The following APOH variants were observed in gnomAD, a reference collection of about 807,000 sequenced individuals.
The protein encoded by APOH is apolipoprotein H.
A neutral mutation model predicts 39.8 loss-of-function variants in APOH; 48 were observed. The observed-to-expected ratio is 1.21, with a 90% CI of 0.96 to 1.54. The LOEUF is 1.54. APOH is among the 40% of genes most tolerant of loss of function. APOH has a pLI of 0.00. For synonymous variants in APOH, 153 were observed against 151.1 expected (o/e 1.01, Z -0.09); for missense variants, 415 against 421.2 (o/e 0.99, Z 0.13).
At chr17:66,228,226 C>T in intron 1 of APOH, 30 bp from the exon 2 acceptor site, 2 of 1,593,836 alleles carry the variant, frequency 1.3e-6, no homozygotes, top group South Asian at 1.1e-5. Flanking sequence ...AGATGGTTAA[C>T]AAATCTCTAT....
chr17:66,214,560 T>C lies in APOH; in HGVS notation c.875A>G (p.His292Arg), dbSNP rs1165511150. 6.2e-7 allele frequency: 1 copy of C among 1,614,078 alleles called. No homozygotes were observed. The highest frequency in any genetic ancestry group is 8.5e-7 in the Non-Finnish European group (1 of 1,179,956). Residue 292 changes from histidine (H) to arginine (R), a missense_variant, in exon 7 of 8, where the codon CAT (histidine) becomes CGT (arginine). His to Arg is a conservative substitution (Grantham distance 29). Coordinates refer to ENST00000205948, the MANE Select transcript of APOH (RefSeq NM_000042.3). ...IQEKFKNGML[H>R]GDKVSFFCKN... ...GCAGAAGAAAGAAACTTTATCACCATGTAGCATTCCATTCTTAAATTTTTC... is the reference window on the plus strand; with the variant it reads ...GCAGAAGAAAGAAACTTTATCACCACGTAGCATTCCATTCTTAAATTTTTC...
rs949254724 is a variant in APOH, at chr17:66,216,917, G to T, written c.655C>A (p.Pro219Thr). The T allele has an allele frequency of 6.2e-7, 1 of 1,611,632 alleles. No homozygotes were observed. The highest frequency in any genetic ancestry group is 8.5e-7 in the Non-Finnish European group (1 of 1,179,118). ...TTGTAATAAAGTGTTGGTTTTGCAG[G>T]ATAGTTCACAAATCCATTGTCTGGT... ...SRPDNGFVNY[P>T]AKPTLYYKDK... The change falls in exon 6 of 8, where the codon CCT (proline) becomes ACT (threonine). Residue 219 changes from proline to threonine, a missense_variant. Physicochemically the swap from Pro to Thr is conservative, Grantham distance 38. Around this residue, in one of 3 missense-constraint regions of APOH, gnomAD observed 288 missense variants for 284.9 expected, o/e 1.01. Transcript: ENST00000205948.
intron 1 of APOH, 31 bp from the exon 2 acceptor site, chr17:66,228,227 A>C: frequency 6.3e-7 from 1 of 1,594,148 alleles, no homozygotes; most frequent in Non-Finnish European, 8.6e-7. Flanking sequence ...GATGGTTAAC[A>C]AATCTCTATT....
chr17:66,228,268 T>A, intron 1 of APOH, 72 bp from the exon 2 acceptor site: 1 of 1,507,244 alleles, frequency 6.6e-7, no homozygotes, highest in Admixed American at 1.9e-5. Flanking sequence ...AGCCCACAAA[T>A]GAAAAATGTG....
chr17:66,224,869 C>A lies in APOH; in HGVS notation c.339-1095G>T, dbSNP rs576629311. Among the ~76,000 whole-genome samples, 3 of 152,010 alleles carry A rather than the reference C, an allele frequency of 2.0e-5. No individual in the cohort carries two copies. In the South Asian group the frequency reaches 6.2e-4, roughly 32 times the overall value. On this transcript the variant is annotated intron_variant, in intron 3 of 7. Coordinates refer to ENST00000205948, the MANE Select transcript of APOH (RefSeq NM_000042.3). ...GGATCACAAGGTCAGGAGTCCAAGA[C>A]CAGCCTGGCCAAGATGGTGAAACCC...
chr17:66,227,540 TA>T (rs1483511549), intron 2 of APOH, among the ~76,000 whole-genome samples: 1 of 152,228 alleles, frequency 6.6e-6, no homozygotes, highest in East Asian at 1.9e-4. Flanking sequence ...ATTATTATTT[TA>T]ATTTGACCTC....
At chr17:66,220,823 C>T (rs991666024) in intron 4 of APOH, 81 bp from the exon 5 acceptor site, 48 of 1,348,714 alleles carry the variant, frequency 3.6e-5, no homozygotes, top group Admixed American at 1.3e-4. Flanking sequence ...AAAAAAAAAC[C>T]CTAAGGATAA....
chr17:66,226,646 T>C (rs2073441556), intron 2 of APOH, among the ~76,000 whole-genome samples: 1 of 149,526 alleles, frequency 6.7e-6, no homozygotes, highest in Non-Finnish European at 1.5e-5. Context: ...AATTGGATAG[T>C]CTAAGGGTTC....
intron 2 of APOH, among the ~76,000 whole-genome samples, chr17:66,227,181 G>A (rs1285501580): frequency 4.6e-5 from 7 of 152,088 alleles, no homozygotes; most frequent in Non-Finnish European, 1.0e-4. Context: ...ACCGCACCTG[G>A]CCCTGATTTA....
At chr17:66,225,973 A>G (rs1289085891) in intron 3 of APOH, 55 bp downstream of exon 3, 17 of 1,257,972 alleles carry the variant, frequency 1.4e-5, no homozygotes, top group Non-Finnish European at 1.7e-5. Flanking sequence ...GTTTAGCTTA[A>G]GGATACAAAA....
intron 7 of APOH, 98 bp from the exon 8 acceptor site, chr17:66,212,286 A>ATACTT: frequency 1.1e-6 from 1 of 930,582 alleles, no homozygotes; most frequent in Non-Finnish European, 1.7e-6. Context: ...ACGAGTATAT[A>ATACTT]GAATACATGT....
chr17:66,226,944 A>G (rs968490767), intron 2 of APOH, among the ~76,000 whole-genome samples: 1 of 151,446 alleles, frequency 6.6e-6, no homozygotes, highest in Admixed American at 6.6e-5. Context: ...GCTGGAGTGC[A>G]GTGGCACAAT....
intron 5 of APOH, among the ~76,000 whole-genome samples, chr17:66,219,231 T>G (rs1258193015): frequency 6.6e-6 from 1 of 152,146 alleles, no homozygotes; most frequent in Admixed American, 6.5e-5. Flanking sequence ...CCAAAACATA[T>G]GAAGTGATGA....
chr17:66,221,398 A>AGGAC (rs2073401093), intron 4 of APOH, among the ~76,000 whole-genome samples: 2 of 74,892 alleles, frequency 2.7e-5, no homozygotes, highest in African/African-American at 8.1e-5. Context: ...GAAGGAAGGA[A>AGGAC]GGAAGGAAGG....
At chr17:66,224,470 TAA>T (rs760150264) in intron 3 of APOH, among the ~76,000 whole-genome samples, 2 of 43,002 alleles carry the variant, frequency 4.7e-5, no homozygotes, top group Non-Finnish European at 6.3e-5. Flanking sequence ...GAAGATCCTG[TAA>T]AAAAAAAAAA....
At chr17:66,221,322 GAAGGAAAGAAAGAAAGA>G (rs1009510420) in intron 4 of APOH, among the ~76,000 whole-genome samples, 5 of 123,720 alleles carry the variant, frequency 4.0e-5, no homozygotes, top group East Asian at 2.8e-4. Context: ...GGGAAGAAAG[GAAGGAAAGAAAGAAAGA>G]AAGGAAAGAA....
At chr17:66,221,681 G>A (rs996587963) in intron 4 of APOH, among the ~76,000 whole-genome samples, 10 of 152,140 alleles carry the variant, frequency 6.6e-5, no homozygotes, top group African/African-American at 1.9e-4. Flanking sequence ...AGTTCAGTCT[G>A]TTTCTGCTGA....
chr17:66,212,950 G>A (rs571584203), intron 7 of APOH, among the ~76,000 whole-genome samples: 1 of 152,270 alleles, frequency 6.6e-6, no homozygotes, highest in South Asian at 2.1e-4. Context: ...GGGCTCTGCT[G>A]TCTTTTGAAT....
rs369915117 is a variant in APOH at position 66,212,161 on chromosome 17, G to A, written c.1010C>T (p.Thr337Ile). 8.9e-5 allele frequency: 144 copies of A among 1,613,804 alleles called. No homozygotes were observed. Among genetic ancestry groups the A allele is most frequent in the Non-Finnish European group, 1.2e-4 (142 of 1,179,848 alleles). Reference protein sequence around the residue: ...KEHSSLAFWKTDASDVKPC With the variant: ...KEHSSLAFWKIDASDVKPC ...GCATGGCTTTACATCGGATGCATCA[G>A]TTTTCCAAAAAGCCAGAGAACTGTG... The change falls in exon 8 of 8, where the codon ACT becomes ATT. Residue 337 changes from threonine to isoleucine, a missense_variant. By Grantham distance (89) the Thr-to-Ile change is moderately conservative (BLOSUM62 -1). Transcript: ENST00000205948.
Sources: allele counts gnomAD v4.1 joint callset (sites outside exome capture counted in the v4.1 genomes callset), GRCh38; gene constraint gnomAD v4.1.1; regional missense constraint gnomAD v4.1.1; transcripts MANE v1.5; gene names NCBI Gene and HGNC (gene_info 2026-07-23, HGNC 2026-07-21).